RBFOX2: variants seen among roughly 807,000 people sequenced by gnomAD.
The protein encoded by RBFOX2 is RNA binding fox-1 homolog 2, also known as RNA binding protein fox-1 homolog 2.
In RBFOX2, 10 loss-of-function variants were observed where a neutral mutation model predicts 49.1. The ratio of observed to expected loss-of-function variants is 0.20; its 90% confidence interval spans 0.13 to 0.35. RBFOX2 has a LOEUF of 0.35. Among genes scored for constraint, RBFOX2 ranks in the 10% least tolerant of loss-of-function variants. The pLI, the probability that RBFOX2 is intolerant of heterozygous loss-of-function variation, is 1.00. For missense variants in RBFOX2, 323 were observed against 486.9 expected, an observed-to-expected ratio of 0.66 and a Z score of 3.17; for synonymous variants, 183 against 187.4, an observed-to-expected ratio of 0.98 and a Z score of 0.19.
At position 35,830,985 on chromosome 22, in the gene RBFOX2, C is replaced by G. The variant is rs76144961; in HGVS notation, c.27+9207G>C. On this transcript the variant is annotated intron_variant, in intron 1 of 11. Transcript: ENST00000405409. The stretch of plus-strand genomic sequence containing the variant: ...CTGCTAGAACCACTCAAAACTGTCT[C>G]TCTGTCATGAAGCTATATGGGAAAA... Among the ~76,000 whole-genome samples, 512 of 152,214 alleles carry G rather than the reference C, an allele frequency of 3.4e-3. 1 individual carries two copies. Among genetic ancestry groups the G allele is most frequent in the African/African-American group, 0.011 (451 of 41,530 alleles).
Position 36,003,866 on chromosome 22 carries a change from T to G in RBFOX2, c.186+24374A>C, listed in dbSNP as rs59683662. 1.2e-4 allele frequency among the ~76,000 whole-genome samples: 18 copies of G among 152,336 alleles called. No individual in the cohort carries two copies. The East Asian group carries it at 3.5e-3, about 29-fold the overall frequency. ...GAGAGAAACAGTCACATTCAACAAC[T>G]GTTGCCTTTACTCAACAACTGTTCT... On this transcript the variant is annotated intron_variant, in intron 1 of 13. Coordinates refer to the RBFOX2 transcript ENST00000438146.
chr22:35,802,609 G>A (rs1249631903), intron 2 of RBFOX2, among the ~76,000 whole-genome samples: 2 of 152,178 alleles, frequency 1.3e-5, no homozygotes, highest in Admixed American at 1.3e-4. Context: ...TGGGACAAGG[G>A]GGAGATTGAA....
intron 1 of RBFOX2, among the ~76,000 whole-genome samples, chr22:35,926,008 TA>T (rs1418315580): frequency 2.6e-5 from 4 of 152,230 alleles, no homozygotes; most frequent in Admixed American, 6.5e-5. Flanking sequence ...GAGATCAGTA[TA>T]ATAGTATGCA....
chr22:36,001,698 G>T (rs554340346), intron 1 of RBFOX2, among the ~76,000 whole-genome samples: 1 of 152,224 alleles, frequency 6.6e-6, no homozygotes, highest in South Asian at 2.1e-4. Context: ...GGAATTCAAG[G>T]TTACAGTAAG....
chr22:35,961,607 C>T, exon 1 of RBFOX2: 2 of 1,304,130 alleles, frequency 1.5e-6, no homozygotes, highest in Non-Finnish European at 2.0e-6. Flanking sequence ...GATGACATCA[C>T]TCTCTCTTCC....
intron 1 of RBFOX2, among the ~76,000 whole-genome samples, chr22:35,906,184 G>T (rs1229461172): frequency 6.6e-6 from 1 of 152,116 alleles, no homozygotes; most frequent in East Asian, 1.9e-4. Context: ...AAAACCAGTG[G>T]TTTTTTAAAT....
At chr22:35,991,318 T>C (rs1010156776) in intron 1 of RBFOX2, among the ~76,000 whole-genome samples, 13 of 152,150 alleles carry the variant, frequency 8.5e-5, no homozygotes, top group African/African-American at 2.9e-4. Flanking sequence ...AGAGAAAAAG[T>C]ATAAAGTCAG....
At chr22:36,027,824 G>T (rs2059505254) in intron 1 of RBFOX2, among the ~76,000 whole-genome samples, 1 of 151,820 alleles carries the variant, frequency 6.6e-6, no homozygotes, top group Admixed American at 6.6e-5. Context: ...GTGTGCCCAG[G>T]GCTGCCAAAA....
intron 2 of RBFOX2, among the ~76,000 whole-genome samples, chr22:35,799,017 T>C (rs772640888): frequency 1.7e-4 from 26 of 152,320 alleles, no homozygotes; most frequent in Non-Finnish European, 3.4e-4. Context: ...CCTATACGCC[T>C]TTAGAACAAC....
chr22:35,935,889 C>A (rs1030971823), intron 1 of RBFOX2, among the ~76,000 whole-genome samples: 1 of 152,116 alleles, frequency 6.6e-6, no homozygotes, highest in African/African-American at 2.4e-5. Flanking sequence ...TTTGCCTCAT[C>A]TACTTCAAAA....
At chr22:35,930,761 C>T (rs2052302614) in intron 1 of RBFOX2, among the ~76,000 whole-genome samples, 2 of 152,004 alleles carry the variant, frequency 1.3e-5, no homozygotes, top group South Asian at 2.1e-4. Flanking sequence ...ACCCAGGAGG[C>T]GGAGGTTGCA....
At chr22:35,842,022 A>C (rs2040561559), upstream of RBFOX2, among the ~76,000 whole-genome samples, 1 of 152,188 alleles carries the variant, frequency 6.6e-6, no homozygotes, top group South Asian at 2.1e-4. Flanking sequence ...GCAAATCCCT[A>C]TCTCTATTGT....
chr22:35,872,641 C>T (rs1008501467), intron 1 of RBFOX2, among the ~76,000 whole-genome samples: 1 of 152,198 alleles, frequency 6.6e-6, no homozygotes, highest in African/African-American at 2.4e-5. Context: ...CCTTGTCCCA[C>T]CCGTCAATGG....
At chr22:35,798,475 A>G (rs1253401975) in intron 2 of RBFOX2, among the ~76,000 whole-genome samples, 1 of 152,224 alleles carries the variant, frequency 6.6e-6, no homozygotes, top group Non-Finnish European at 1.5e-5. Flanking sequence ...ACTGACATTT[A>G]TTAGTTGTGT....
chr22:35,884,192 T>C (rs922017799), intron 1 of RBFOX2, among the ~76,000 whole-genome samples: 1 of 151,966 alleles, frequency 6.6e-6, no homozygotes, highest in Admixed American at 6.6e-5. Context: ...AGATGGGGTT[T>C]TGCTATGTTG....
chr22:35,924,106 T>C (rs1251579038), intron 1 of RBFOX2, among the ~76,000 whole-genome samples: 1 of 152,118 alleles, frequency 6.6e-6, no homozygotes, highest in Non-Finnish European at 1.5e-5. Context: ...CACCTGCAAA[T>C]GGGATTTAAA....
intron 2 of RBFOX2, among the ~76,000 whole-genome samples, chr22:35,782,070 A>G (rs1391934100): frequency 6.6e-6 from 1 of 152,232 alleles, no homozygotes; most frequent in Non-Finnish European, 1.5e-5. Context: ...ATACAAAAAT[A>G]GTTCCTTCAT....
chr22:35,914,992 G>C (rs1335900251), intron 1 of RBFOX2, among the ~76,000 whole-genome samples: 2 of 152,112 alleles, frequency 1.3e-5, no homozygotes, highest in African/African-American at 2.4e-5. Context: ...CCCAGTGCTC[G>C]TGTGCTCTAG....
chr22:35,953,378 A>G (rs1308644057), intron 1 of RBFOX2, among the ~76,000 whole-genome samples: 2 of 152,172 alleles, frequency 1.3e-5, no homozygotes, highest in Admixed American at 6.6e-5. Context: ...ATGAAAACAC[A>G]CAGTACTAAG....
Sources: allele counts gnomAD v4.1 joint callset (sites outside exome capture counted in the v4.1 genomes callset), GRCh38; gene constraint gnomAD v4.1.1; transcripts MANE v1.5; gene names NCBI Gene and HGNC (gene_info 2026-07-23, HGNC 2026-07-21).